The following ZNF70 variants were observed in gnomAD, a reference collection of about 807,000 sequenced individuals.
ZNF70 encodes zinc finger protein N27C7-1.
ZNF70 carries 18 observed loss-of-function variants against 37.7 expected under a neutral mutation model. The ratio of observed to expected loss-of-function variants is 0.48; its 90% CI spans 0.33 to 0.71. The LOEUF (loss-of-function observed/expected upper bound fraction) is 0.71. ZNF70 is among the 30% of genes least tolerant of loss of function. The pLI, the probability that ZNF70 is intolerant of heterozygous loss-of-function variation, is 0.02. For synonymous variants in ZNF70, 219 were observed against 220.1 expected (o/e 0.99, Z 0.05); for missense variants, 506 against 568.6 (o/e 0.89, Z 1.12).
Position 23,744,397 on chromosome 22 carries a change from T to C in ZNF70, c.744A>G (p.Gly248=). 6.2e-7 allele frequency: 1 copy of C among 1,613,888 alleles called. No homozygotes were observed. Residue 248 remains glycine, a synonymous_variant, in exon 2 of 2, where the codon GGA becomes GGG. Coordinates refer to ENST00000341976, the MANE Select transcript of ZNF70 (RefSeq NM_021916.4). Reference sequence around the variant, plus strand: ...ATTCCTTACACTGATAAGGTCTCTCTCCTGTATGAATTCTCTCGTGTTTTC... The same window carrying C: ...ATTCCTTACACTGATAAGGTCTCTCCCCTGTATGAATTCTCTCGTGTTTTC... ...SLRKHERIHT[G]ERPYQCKECG...
In ZNF70 at chr22:23,744,569, G is replaced by A. The variant is rs780807006; in HGVS notation, c.572C>T (p.Thr191Ile). Reference protein sequence around the residue: ...SHLLRHQIIHTGEKPYECREC... With the variant: ...SHLLRHQIIHIGEKPYECREC... ...CCGGCACTCGTAGGGCTTCTCCCCG[G>A]TGTGGATGATCTGGTGCCTGAGCAG... The change falls in exon 2 of 2, where the codon ACC (threonine) becomes ATC (isoleucine). Residue 191 changes from threonine (T) to isoleucine (I), a missense_variant. By Grantham distance (89) the Thr-to-Ile change is moderately conservative. Transcript: ENST00000341976. 1 of 1,613,466 alleles carries A rather than the reference G, an allele frequency of 6.2e-7. No individual in the cohort carries two copies. Among genetic ancestry groups the A allele is most frequent in the South Asian group, 1.1e-5 (1 of 91,050 alleles).
At position 23,742,502 on chromosome 22, in the gene ZNF70, T is replaced by C. The variant is rs1345285846; in HGVS notation, c.*1298A>G. The C allele has an allele frequency of 1.3e-5, 2 of 152,270 alleles. No individual in the cohort carries two copies. The highest frequency in any genetic ancestry group is 2.9e-5 in the Non-Finnish European group (2 of 68,048). 9.4% of individuals were successfully genotyped at this position (152,270 alleles called of 1,614,324 possible). ...TGGCATCCTAGAGGAAGTGTCCTTG[T>C]GTGGGACACTGCATCCGCAGGCATA... On this transcript the variant is annotated 3_prime_UTR_variant, in exon 2 of 2. Coordinates refer to ENST00000341976, the MANE Select transcript of ZNF70 (RefSeq NM_021916.4).
rs200111987 is a variant in ZNF70, at chr22:23,744,125, T to C, written c.1016A>G (p.Gln339Arg). ...THTGEKPYKC[Q>R]KCGKAFSQSS... ...CTGGCTGAAGGCTTTCCCACACTTC[T>C]GGCATTTGTAGGGCTTCTCGCCAGT... The change falls in exon 2 of 2, where the codon CAG becomes CGG. Residue 339 changes from glutamine (Q) to arginine (R), a missense_variant. Gln to Arg is a conservative substitution (Grantham distance 43). Coordinates refer to ENST00000341976, the MANE Select transcript of ZNF70 (RefSeq NM_021916.4). 5.6e-6 allele frequency: 9 copies of C among 1,608,724 alleles called. No homozygotes were observed. The highest frequency in any genetic ancestry group is 7.6e-6 in the Non-Finnish European group (9 of 1,178,184).
chr22:23,744,410 C>A lies in ZNF70; in HGVS notation c.731G>T (p.Arg244Ile), dbSNP rs962491464. 8 of 1,614,126 alleles carry A rather than the reference C, an allele frequency of 5.0e-6. No individual in the cohort carries two copies. The highest frequency in any genetic ancestry group is 6.8e-6 in the Non-Finnish European group (8 of 1,180,032). The change falls in exon 2 of 2, where the codon AGA (arginine) becomes ATA (isoleucine). Residue 244 changes from arginine to isoleucine, a missense_variant. Physicochemically the swap from Arg to Ile is moderately conservative, Grantham distance 97. Coordinates refer to ENST00000341976, the MANE Select transcript of ZNF70 (RefSeq NM_021916.4). ...ATAAGGTCTCTCTCCTGTATGAATT[C>A]TCTCGTGTTTTCTGAGGCTGGAGCT... ...SRSSSLRKHE[R>I]IHTGERPYQC...
In ZNF70 at chr22:23,744,565, C is replaced by T. The variant is rs763851215; in HGVS notation, c.576G>A (p.Gly192=). The part of the protein sequence containing the change: ...HLLRHQIIHT[G]EKPYECRECG... ...ACTCCCGGCACTCGTAGGGCTTCTC[C>T]CCGGTGTGGATGATCTGGTGCCTGA... Residue 192 remains glycine, a synonymous_variant, in exon 2 of 2, where the codon GGG becomes GGA. Coordinates refer to ENST00000341976, the MANE Select transcript of ZNF70 (RefSeq NM_021916.4). 17 of 1,609,946 alleles carry T rather than the reference C, an allele frequency of 1.1e-5. No homozygotes were observed. In the Admixed American group the frequency reaches 2.9e-4, roughly 27 times the overall value.
Position 23,741,626 on chromosome 22 carries a change from C to T in ZNF70, c.*2174G>A, listed in dbSNP as rs2145892370. 6.6e-6 allele frequency: 1 copy of T among 152,320 alleles called. No homozygotes were observed. Among genetic ancestry groups the T allele is most frequent in the East Asian group, 1.9e-4 (1 of 5,182 alleles). 9.4% of individuals were successfully genotyped at this position (152,320 alleles called of 1,614,324 possible). ...ATTCATCAAAACTAGGCATAATGGCCATGCTGAGCTTCTGATCAGCTGAAA... is the reference window on the plus strand; with the variant it reads ...ATTCATCAAAACTAGGCATAATGGCTATGCTGAGCTTCTGATCAGCTGAAA... On this transcript the variant is annotated 3_prime_UTR_variant, in exon 2 of 2. Transcript: ENST00000341976.
rs144901135 is a variant in ZNF70, at chr22:23,750,366, C to T, written c.-80+345G>A. On this transcript the variant is annotated intron_variant, in intron 1 of 1. Transcript: ENST00000341976. ...AGGTTTCTGGCTTTCTCTTGAAAAACGAAGATGTGACAATATCCCTTCACC... is the reference window on the plus strand; with the variant it reads ...AGGTTTCTGGCTTTCTCTTGAAAAATGAAGATGTGACAATATCCCTTCACC... 6.0e-3 allele frequency among the ~76,000 whole-genome samples: 910 copies of T among 152,232 alleles called. 14 individuals are homozygous for T. Among genetic ancestry groups the T allele is most frequent in the African/African-American group, 0.021 (861 of 41,532 alleles).
Position 23,739,287 on chromosome 22 carries a change from T to TA in ZNF70, c.*4512_*4513insT, listed in dbSNP as rs1924804509. 7.1e-6 allele frequency: 1 copy of TA among 140,442 alleles called. No homozygotes were observed. Among genetic ancestry groups the TA allele is most frequent in the African/African-American group, 3.3e-5 (1 of 30,756 alleles). 8.7% of individuals were successfully genotyped at this position (140,442 alleles called of 1,614,324 possible). ...ACTTAGAAATTTTTTTTATATATAT[T>TA]TTTTTTGAGACAGAGTCTAGCTCTT... On this transcript the variant is annotated 3_prime_UTR_variant, in exon 2 of 2. Coordinates refer to ENST00000341976, the MANE Select transcript of ZNF70 (RefSeq NM_021916.4).
chr22:23,748,508 T>G (rs1925208021), intron 1 of ZNF70, among the ~76,000 whole-genome samples: 1 of 151,818 alleles, frequency 6.6e-6, no homozygotes, highest in Admixed American at 6.6e-5. Context: ...CCCAAAGTGC[T>G]GGATTACAGG....
chr22:23,745,133 A>T lies in ZNF70; in HGVS notation c.8T>A (p.Val3Asp), dbSNP rs759528869. Residue 3 changes from valine to aspartate, a missense_variant, in exon 2 of 2, where the codon GTT becomes GAT. Physicochemically the swap from Val to Asp is radical, Grantham distance 152. Transcript: ENST00000341976. Reference protein sequence around the residue: MEVPPATKFGETF... With the variant: MEDPPATKFGETF... ...CTCACCAAACTTTGTTGCTGGGGGA[A>T]CCTCCATTGTGAATCTGCTATCATC... 1.9e-6 allele frequency: 3 copies of T among 1,610,530 alleles called. No homozygotes were observed. Among genetic ancestry groups the T allele is most frequent in the Non-Finnish European group, 2.5e-6 (3 of 1,177,496 alleles).
Position 23,744,150 on chromosome 22 carries a change from T to C in ZNF70, c.991A>G (p.Thr331Ala). ...TGGCATTTGTAGGGCTTCTCGCCAG[T>C]GTGGGTCTTGCGGTGCTCAATGAGG... ...SNLIEHRKTH[T>A]GEKPYKCQKC... is the part of the protein sequence containing the mutation. Residue 331 changes from threonine (T) to alanine (A), a missense_variant, in exon 2 of 2, where the codon ACT becomes GCT. Transcript: ENST00000341976. 1.9e-6 allele frequency: 3 copies of C among 1,614,020 alleles called. No homozygotes were observed. Among genetic ancestry groups the C allele is most frequent in the Non-Finnish European group, 2.5e-6 (3 of 1,179,994 alleles).
chr22:23,740,883 G>A lies in ZNF70; in HGVS notation c.*2917C>T, dbSNP rs183046461. 8.3e-4 allele frequency: 127 copies of A among 152,100 alleles called. No homozygotes were observed. Among genetic ancestry groups the A allele is most frequent in the African/African-American group, 2.7e-3 (110 of 41,474 alleles). 9.4% of individuals were successfully genotyped at this position (152,100 alleles called of 1,614,324 possible). A position where few individuals can be genotyped will look rare whatever the true frequency, so the allele number is the denominator to read the frequency against. Reference sequence around the variant, plus strand: ...CATGTTTATCTGTTAACCCTTGGGAGAGAGGGGGGATCTTCATCTCCACGT... The same window carrying A: ...CATGTTTATCTGTTAACCCTTGGGAAAGAGGGGGGATCTTCATCTCCACGT... On this transcript the variant is annotated 3_prime_UTR_variant, in exon 2 of 2. Coordinates refer to ENST00000341976, the MANE Select transcript of ZNF70 (RefSeq NM_021916.4).
chr22:23,743,786 G>T lies in ZNF70; in HGVS notation c.*14C>A. The T allele has an allele frequency of 6.2e-7, 1 of 1,604,700 alleles. No homozygotes were observed. Among genetic ancestry groups the T allele is most frequent in the Non-Finnish European group, 8.5e-7 (1 of 1,175,234 alleles). On this transcript the variant is annotated 3_prime_UTR_variant, in exon 2 of 2. Transcript: ENST00000341976. Reference sequence around the variant, plus strand: ...TCTGGCACAGGCTTTCAAGCTTTGTGTGGGCTCCTCTTTCTATAGCTTCTC... The same window carrying T: ...TCTGGCACAGGCTTTCAAGCTTTGTTTGGGCTCCTCTTTCTATAGCTTCTC...
At chr22:23,745,299 G>A (rs183311775) in intron 1 of ZNF70, 80 bp from the exon 2 acceptor site, 2 of 741,004 alleles carry the variant, frequency 2.7e-6, no homozygotes, top group Non-Finnish European at 4.4e-6. Context: ...TAGAATCTAT[G>A]GTAGAAACAA....
At position 23,743,691 on chromosome 22, in the gene ZNF70, AAGGTTTCCATTCAGCATCAGGG is replaced by A. The variant is rs773221132; in HGVS notation, c.*87_*108del. On this transcript the variant is annotated 3_prime_UTR_variant, in exon 2 of 2. Coordinates refer to ENST00000341976, the MANE Select transcript of ZNF70 (RefSeq NM_021916.4). ...GGATGTTCAAGAGCGCTTAGGTGGG[AAGGTTTCCATTCAGCATCAGGG>A]AGGTAGGTGGGGTCTTGGAGACCAC... 1,488 of 1,449,530 alleles carry A rather than the reference AAGGTTTCCATTCAGCATCAGGG, an allele frequency of 1.0e-3. No individual in the cohort carries two copies. The highest frequency in any genetic ancestry group is 1.3e-3 in the Non-Finnish European group (1,423 of 1,076,356). 89.8% of individuals were successfully genotyped at this position (1,449,530 alleles called of 1,614,324 possible).
chr22:23,746,270 G>A (rs558896789), intron 1 of ZNF70, among the ~76,000 whole-genome samples: 22 of 139,834 alleles, frequency 1.6e-4, no homozygotes, highest in Non-Finnish European at 2.9e-4. Context: ...GCAGTGGCAC[G>A]ATCTTGGATC....
Position 23,745,134 on chromosome 22 carries a change from C to T in ZNF70, c.7G>A (p.Val3Ile), listed in dbSNP as rs765535215. 1.1e-5 allele frequency: 17 copies of T among 1,610,660 alleles called. No homozygotes were observed. In the Admixed American group the frequency reaches 2.7e-4, roughly 25 times the overall value. The change falls in exon 2 of 2, where the codon GTT (valine) becomes ATT (isoleucine). Residue 3 changes from valine to isoleucine, a missense_variant. Val to Ile is a conservative substitution (Grantham distance 29). Coordinates refer to ENST00000341976, the MANE Select transcript of ZNF70 (RefSeq NM_021916.4). Reference protein sequence around the residue: MEVPPATKFGETF... With the variant: MEIPPATKFGETF... ...TCACCAAACTTTGTTGCTGGGGGAA[C>T]CTCCATTGTGAATCTGCTATCATCC...
chr22:23,747,558 G>A (rs149236301), intron 1 of ZNF70, among the ~76,000 whole-genome samples: 1,812 of 152,220 alleles, frequency 0.012, 30 homozygotes, highest in African/African-American at 0.039. Flanking sequence ...AAGTCCGGGC[G>A]CGGTGGCTCA....
At chr22:23,745,943 G>A (rs1312365970) in intron 1 of ZNF70, among the ~76,000 whole-genome samples, 2 of 152,138 alleles carry the variant, frequency 1.3e-5, no homozygotes, top group East Asian at 1.9e-4. Flanking sequence ...CCCAACCTGG[G>A]AGTCAGCATA....
Sources: gnomAD v4.1 joint callset for allele counts (sites outside exome capture counted in the v4.1 genomes callset) on GRCh38, gnomAD v4.1.1 for gene constraint, MANE v1.5 for transcripts, NCBI Gene and HGNC (gene_info 2026-07-23, HGNC 2026-07-21) for gene names.